Variants in MAST4 observed in about 807,000 individuals in gnomAD.
MAST4 encodes microtubule-associated serine/threonine-protein kinase 4.
A neutral mutation model predicts 162.7 loss-of-function variants in MAST4; 89 were observed. The observed-to-expected ratio is 0.55, with a 90% CI of 0.46 to 0.65. The LOEUF (loss-of-function observed/expected upper bound fraction) is 0.65. Ranked by LOEUF, MAST4 falls within the 30% of genes least tolerant of loss-of-function variation. The probability of loss-of-function intolerance (pLI) is 0.00; values close to 1 mark genes in which losing one functional copy is unlikely to be tolerated. For synonymous variants in MAST4, 1,479 were observed against 1,361.1 expected (o/e 1.09, Z -1.91); for missense variants, 3,153 against 3,374.0 (o/e 0.93, Z 1.62).
At chr5:66,639,313 T>TGTGTGTGTGTGTGTGTC (rs1554037879) in intron 1 of MAST4, among the ~76,000 whole-genome samples, 1 of 151,118 alleles carries the variant, frequency 6.6e-6, no homozygotes, top group Non-Finnish European at 1.5e-5. Flanking sequence ...TGTGTGTGTG[T>TGTGTGTGTGTGTGTGTC]TTTAAGAAGA....
At chr5:66,995,601 C>T (rs1750540859) in intron 4 of MAST4, among the ~76,000 whole-genome samples, 2 of 152,176 alleles carry the variant, frequency 1.3e-5, no homozygotes, top group Admixed American at 1.3e-4. Flanking sequence ...CGGGGTTTCA[C>T]CATGTTGGCC....
At chr5:67,065,832 C>T (rs991425456) in intron 5 of MAST4, among the ~76,000 whole-genome samples, 3 of 152,256 alleles carry the variant, frequency 2.0e-5, no homozygotes, top group East Asian at 3.9e-4. Flanking sequence ...TACTTCTCTA[C>T]AAAAGCCGTG....
intron 4 of MAST4, among the ~76,000 whole-genome samples, chr5:66,933,061 AT>A (rs1186044949): frequency 6.6e-6 from 1 of 152,086 alleles, no homozygotes; most frequent in African/African-American, 2.4e-5. Context: ...GAAACCAGAG[AT>A]TTTTTGCCTC....
rs749699656 is a variant in MAST4 at position 67,104,362 on chromosome 5, A to G, written c.1147-4A>G. On this transcript the variant is annotated splice_polypyrimidine_tract_variant and splice_region_variant and intron_variant, in intron 9 of 28. Coordinates refer to ENST00000403625, the MANE Select transcript of MAST4 (RefSeq NM_001164664.2). The stretch of plus-strand genomic sequence containing the variant: ...ATCTGTGTATGTGTGTCTTCTCTAT[A>G]TAGGCTACAGCTCAGATGGAAGAAC... The G allele has an allele frequency of 2.9e-5, 46 of 1,608,942 alleles. No homozygotes were observed. Among genetic ancestry groups the G allele is most frequent in the Non-Finnish European group, 3.5e-5 (41 of 1,175,316 alleles).
At chr5:66,605,218 G>A (rs925830449) in intron 1 of MAST4, among the ~76,000 whole-genome samples, 2 of 152,172 alleles carry the variant, frequency 1.3e-5, no homozygotes, top group African/African-American at 2.4e-5. Context: ...GAGTGGCTCT[G>A]AGGATACTTA....
At chr5:66,907,328 C>A (rs1162006987) in intron 4 of MAST4, among the ~76,000 whole-genome samples, 1 of 149,840 alleles carries the variant, frequency 6.7e-6, no homozygotes, top group African/African-American at 2.5e-5. Context: ...CCTCATCCTC[C>A]CAGGGTGCAG....
At chr5:66,748,428 C>CCTCT (rs1752909197) in intron 1 of MAST4, among the ~76,000 whole-genome samples, 2 of 132,350 alleles carry the variant, frequency 1.5e-5, no homozygotes, top group African/African-American at 3.0e-5. Context: ...TTCCTTCCTC[C>CCTCT]CTCCCTCCCT....
At chr5:67,088,202 C>G (rs1159344000) in intron 5 of MAST4, among the ~76,000 whole-genome samples, 1 of 152,070 alleles carries the variant, frequency 6.6e-6, no homozygotes, top group Admixed American at 6.5e-5. Flanking sequence ...CTGTATTGTT[C>G]TAGTTGATCA....
chr5:66,652,246 A>G (rs1746273494), intron 1 of MAST4, among the ~76,000 whole-genome samples: 1 of 152,188 alleles, frequency 6.6e-6, no homozygotes, highest in African/African-American at 2.4e-5. Flanking sequence ...GATCTTCTTC[A>G]TCCAAGAAGA....
chr5:66,731,027 T>A (rs1751816319), intron 1 of MAST4, among the ~76,000 whole-genome samples: 1 of 152,186 alleles, frequency 6.6e-6, no homozygotes, highest in Non-Finnish European at 1.5e-5. Flanking sequence ...AAGTATGTCT[T>A]TATCAGTTTA....
chr5:66,754,555 G>C (rs760217564), intron 1 of MAST4, among the ~76,000 whole-genome samples: 1 of 151,802 alleles, frequency 6.6e-6, no homozygotes, highest in African/African-American at 2.4e-5. Flanking sequence ...TTTTTTTCCT[G>C]TTATATTTTA....
chr5:66,627,387 G>A (rs1198394821), intron 1 of MAST4, among the ~76,000 whole-genome samples: 1 of 152,128 alleles, frequency 6.6e-6, no homozygotes, highest in Non-Finnish European at 1.5e-5. Context: ...CCATATGAAG[G>A]TTTAAAAGGA....
At chr5:67,109,900 A>G (rs573323047) in intron 10 of MAST4, among the ~76,000 whole-genome samples, 198 bp from the exon 11 acceptor site, 1 of 152,350 alleles carries the variant, frequency 6.6e-6, no homozygotes, top group Admixed American at 6.5e-5. Flanking sequence ...TAGCTAATAG[A>G]AAGATTTTGT....
chr5:67,095,854 C>A (rs150687487), intron 7 of MAST4, among the ~76,000 whole-genome samples, 179 bp downstream of exon 7: 2 of 152,152 alleles, frequency 1.3e-5, no homozygotes, highest in African/African-American at 4.8e-5. Context: ...GACATACTTT[C>A]GCTGCAAGCT....
intron 3 of MAST4, among the ~76,000 whole-genome samples, chr5:66,868,616 C>T (rs148760174): frequency 6.6e-6 from 1 of 151,634 alleles, no homozygotes; most frequent in East Asian, 1.9e-4. Flanking sequence ...TTTATTTTCA[C>T]TCCATATGCA....
intron 4 of MAST4, among the ~76,000 whole-genome samples, chr5:67,010,070 GC>G: frequency 6.6e-6 from 1 of 152,216 alleles, no homozygotes; most frequent in Non-Finnish European, 1.5e-5. Flanking sequence ...TATTATACTT[GC>G]CCCTTTTTTC....
At chr5:66,689,454 T>C (rs984640209) in intron 1 of MAST4, among the ~76,000 whole-genome samples, 2 of 152,204 alleles carry the variant, frequency 1.3e-5, no homozygotes, top group Admixed American at 6.5e-5. Flanking sequence ...CTGTCTGTTG[T>C]TGACTTTTAT....
intron 1 of MAST4, among the ~76,000 whole-genome samples, chr5:66,638,793 C>A (rs570713785): frequency 2.0e-5 from 3 of 152,086 alleles, no homozygotes; most frequent in Non-Finnish European, 4.4e-5. Context: ...ACCTGTCTTG[C>A]GAGGTTAGGT....
At chr5:66,913,653 A>G (rs1368881509) in intron 4 of MAST4, among the ~76,000 whole-genome samples, 2 of 152,216 alleles carry the variant, frequency 1.3e-5, no homozygotes, top group Non-Finnish European at 2.9e-5. Flanking sequence ...TGAAGAGCAA[A>G]AGCTTTATTA....
Sources: allele counts gnomAD v4.1 joint callset (sites outside exome capture counted in the v4.1 genomes callset), GRCh38; gene constraint gnomAD v4.1.1; transcripts MANE v1.5; gene names NCBI Gene and HGNC (gene_info 2026-07-23, HGNC 2026-07-21).